Variants in GNG7 observed in about 807,000 individuals in gnomAD.
GNG7 encodes G protein subunit gamma 7.
GNG7 carries 1 observed loss-of-function variant against 4.0 expected under a neutral mutation model. The observed-to-expected ratio is 0.25, with a 90% CI of 0.09 to 1.18. The LOEUF (loss-of-function observed/expected upper bound fraction) is 1.18, where lower values mean the gene tolerates loss of function less well. Among genes scored for constraint, GNG7 ranks in the 50% most tolerant of loss-of-function variants. The pLI is 0.50. For missense variants in GNG7, 86 were observed against 91.9 expected (o/e 0.94, Z 0.26); for synonymous variants, 34 against 36.9 (o/e 0.92, Z 0.29).
At chr19:2,651,268 CCT>C (rs1982808547) in intron 1 of GNG7, among the ~76,000 whole-genome samples, 2 of 124,290 alleles carry the variant, frequency 1.6e-5, no homozygotes, top group African/African-American at 3.3e-5. Context: ...TTCCTTCCTT[CCT>C]TCCCTCCCTC....
chr19:2,536,515 A>G (rs1225136690), intron 3 of GNG7, among the ~76,000 whole-genome samples: 1 of 152,216 alleles, frequency 6.6e-6, no homozygotes, highest in African/African-American at 2.4e-5. Context: ...ACTAAAGTGA[A>G]AGATTAAAAC....
rs1982034247 is a variant in GNG7, at chr19:2,626,846, C to A, written c.-78+19378G>T. On this transcript the variant is annotated intron_variant, in intron 2 of 4. Coordinates refer to ENST00000382159, the MANE Select transcript of GNG7 (RefSeq NM_052847.3). The surrounding 1 kb of genome is among the most constrained non-coding windows in gnomAD (Gnocchi z 5.0). ...ATGGAGTGGGTGGAGGCCAGGGATG[C>A]TGCTCAGCACCCTGCAGTGCCCAGG... is the stretch of plus-strand genomic sequence containing the variant. Among the ~76,000 whole-genome samples, 1 of 152,036 alleles carries A rather than the reference C, an allele frequency of 6.6e-6. No individual in the cohort carries two copies. Among genetic ancestry groups the A allele is most frequent in the African/African-American group, 2.4e-5 (1 of 41,382 alleles).
intron 1 of GNG7, among the ~76,000 whole-genome samples, chr19:2,690,906 C>T (rs921223219): frequency 6.6e-6 from 1 of 152,096 alleles, no homozygotes. Context: ...GGCAGTGAAA[C>T]TATAGGATAC....
chr19:2,663,652 G>T (rs1983234308), intron 1 of GNG7, among the ~76,000 whole-genome samples: 1 of 152,120 alleles, frequency 6.6e-6, no homozygotes, highest in Non-Finnish European at 1.5e-5. Context: ...AATTGGGAGA[G>T]ATGCAAAAGC....
chr19:2,694,873 C>T (rs981515916), intron 1 of GNG7, among the ~76,000 whole-genome samples: 1 of 151,890 alleles, frequency 6.6e-6, no homozygotes, highest in Non-Finnish European at 1.5e-5. Context: ...GGACGCTGCT[C>T]GGCACCTCAG....
chr19:2,520,831 C>G lies in GNG7; in HGVS notation c.-37-106G>C, dbSNP rs1978304402. ...ACCTTCCCGACTCTAGGCACGGCCA[C>G]TTTGCCTCTGGGTGGGGACCAGGGG... On this transcript the variant is annotated intron_variant, in intron 3 of 4. Coordinates refer to ENST00000382159, the MANE Select transcript of GNG7 (RefSeq NM_052847.3). 6.6e-6 allele frequency: 4 copies of G among 601,786 alleles called. No homozygotes were observed. The East Asian group carries it at 1.1e-4, about 17-fold the overall frequency. The allele number at this position is 601,786 out of a possible 1,614,324, so 37.3% of individuals were successfully genotyped here.
chr19:2,530,799 C>T (rs1978558022), intron 3 of GNG7, among the ~76,000 whole-genome samples: 1 of 152,154 alleles, frequency 6.6e-6, no homozygotes, highest in South Asian at 2.1e-4. Context: ...TGGAGAATTT[C>T]CAGCCAGGAT....
At chr19:2,656,681 G>A (rs931658317) in intron 1 of GNG7, among the ~76,000 whole-genome samples, 1 of 152,176 alleles carries the variant, frequency 6.6e-6, no homozygotes, top group Non-Finnish European at 1.5e-5. Context: ...GCTTGCTTTT[G>A]TACATAAAGT....
chr19:2,594,731 ACT>A (rs1478247397), intron 2 of GNG7, among the ~76,000 whole-genome samples: 1 of 151,998 alleles, frequency 6.6e-6, no homozygotes, highest in Non-Finnish European at 1.5e-5. Context: ...TCAAATTAAC[ACT>A]GTCTTATTAT....
At chr19:2,586,044 G>C (rs1024280891) in intron 2 of GNG7, among the ~76,000 whole-genome samples, 3 of 152,152 alleles carry the variant, frequency 2.0e-5, no homozygotes, top group Admixed American at 6.5e-5. Flanking sequence ...TTAAATCTTT[G>C]TGAGTTTTCT....
chr19:2,653,807 T>G lies in GNG7; in HGVS notation c.-134-7527A>C, dbSNP rs1003659992. On this transcript the variant is annotated intron_variant, in intron 1 of 4. Transcript: ENST00000382159. This position sits in a 1 kb window ranked among gnomAD's most constrained non-coding sequence, Gnocchi z 4.8. ...GAGGCCCAGGGCCCGTGTCCCCTCC[T>G]CACTCAGCCCTCCTATCCACAGGTG... Among the ~76,000 whole-genome samples, 2 of 152,154 alleles carry G rather than the reference T, an allele frequency of 1.3e-5. No individual in the cohort carries two copies. Among genetic ancestry groups the G allele is most frequent in the Non-Finnish European group, 2.9e-5 (2 of 68,014 alleles).
At chr19:2,654,232 G>A (rs911238748) in intron 1 of GNG7, among the ~76,000 whole-genome samples, 3 of 152,056 alleles carry the variant, frequency 2.0e-5, no homozygotes, top group African/African-American at 4.8e-5. Flanking sequence ...CTTTTCTGAC[G>A]CATACCCTCC....
At chr19:2,636,441 G>A (rs1411382371) in intron 2 of GNG7, among the ~76,000 whole-genome samples, 2 of 152,160 alleles carry the variant, frequency 1.3e-5, no homozygotes, top group East Asian at 3.8e-4. Flanking sequence ...GGGCCTGATG[G>A]TGGGGACAAG....
At chr19:2,562,868 G>T (rs1041959811) in intron 2 of GNG7, among the ~76,000 whole-genome samples, 19 of 152,202 alleles carry the variant, frequency 1.2e-4, no homozygotes, top group African/African-American at 4.6e-4. Flanking sequence ...AGTCCCTCTG[G>T]TTTACACCAT....
chr19:2,686,060 G>A (rs1230368679), intron 1 of GNG7, among the ~76,000 whole-genome samples: 2 of 152,110 alleles, frequency 1.3e-5, no homozygotes, highest in Non-Finnish European at 2.9e-5. Flanking sequence ...ATCAGAGCGA[G>A]AATGTGGACC....
intron 2 of GNG7, among the ~76,000 whole-genome samples, chr19:2,587,383 G>A (rs936961856): frequency 7.2e-5 from 11 of 152,278 alleles, no homozygotes; most frequent in Non-Finnish European, 1.0e-4. Flanking sequence ...CTGGGCGGAA[G>A]GGCAGAGGGC....
intron 3 of GNG7, among the ~76,000 whole-genome samples, chr19:2,528,269 T>TAAA (rs59084924): frequency 1.0e-4 from 8 of 78,788 alleles, no homozygotes; most frequent in Non-Finnish European, 1.4e-4. Flanking sequence ...AGACCCTGTC[T>TAAA]AAAAAAAAAA....
intron 2 of GNG7, among the ~76,000 whole-genome samples, chr19:2,555,691 G>A (rs1369008113): frequency 2.0e-5 from 3 of 152,180 alleles, no homozygotes; most frequent in African/African-American, 4.8e-5. Context: ...TATACGGGGG[G>A]CAGGAAGGCC....
chr19:2,676,401 T>C (rs998066271), intron 1 of GNG7, among the ~76,000 whole-genome samples: 1 of 152,008 alleles, frequency 6.6e-6, no homozygotes, highest in African/African-American at 2.4e-5. Flanking sequence ...CAGATAGACA[T>C]TGATTTCCAT....
Sources: allele counts gnomAD v4.1 joint callset (sites outside exome capture counted in the v4.1 genomes callset), GRCh38; gene constraint gnomAD v4.1.1; non-coding constraint Gnocchi (gnomAD v3.1); transcripts MANE v1.5; gene names NCBI Gene and HGNC (gene_info 2026-07-23, HGNC 2026-07-21).